The following FOCAD variants were observed in gnomAD, a reference collection of about 807,000 sequenced individuals.
The protein encoded by FOCAD is KIAA1797.
Under a neutral mutation model 225.6 loss-of-function variants are expected in FOCAD, and 198 were observed. The observed-to-expected ratio is 0.88, with a 90% CI of 0.78 to 0.99. FOCAD has a LOEUF of 0.99. FOCAD is among the 50% of genes least tolerant of loss of function. FOCAD has a pLI of 0.00. For missense variants in FOCAD, 2,713 were observed against 2,123.6 expected (o/e 1.28, Z -5.46); for synonymous variants, 897 against 755.0 (o/e 1.19, Z -3.08).
chr9:20,987,444 G>A (rs904052072), intron 40 of FOCAD, among the ~76,000 whole-genome samples: 1 of 151,690 alleles, frequency 6.6e-6, no homozygotes, highest in African/African-American at 2.4e-5. Context: ...GGAGGCAAAG[G>A]TTGCAGTGAG....
At chr9:20,955,279 GTTTGGGCATGGTGGTCTCAAA>G (rs1838033073) in intron 35 of FOCAD, among the ~76,000 whole-genome samples, 1 of 152,146 alleles carries the variant, frequency 6.6e-6, no homozygotes, top group South Asian at 2.1e-4. Context: ...GCTAGGATGA[GTTTGGGCATGGTGGTCTCAAA>G]TTTAGCCAAT....
At chr9:20,707,883 C>T (rs1427382339) in intron 1 of FOCAD, among the ~76,000 whole-genome samples, 1 of 152,086 alleles carries the variant, frequency 6.6e-6, no homozygotes, top group South Asian at 2.1e-4. Flanking sequence ...TAAGTGTGAG[C>T]AGGTGTCAGG....
chr9:20,751,876 T>A (rs944120443), intron 5 of FOCAD, among the ~76,000 whole-genome samples: 1 of 144,570 alleles, frequency 6.9e-6, no homozygotes, highest in African/African-American at 2.5e-5. Flanking sequence ...GGTATCTCAT[T>A]GTGGTTTTGA....
At chr9:20,709,338 G>T (rs1389880572) in intron 1 of FOCAD, among the ~76,000 whole-genome samples, 1 of 152,082 alleles carries the variant, frequency 6.6e-6, no homozygotes, top group Non-Finnish European at 1.5e-5. Flanking sequence ...GTAGCATGTG[G>T]TTTATGGATT....
At chr9:20,816,243 T>G (rs1005375289) in intron 11 of FOCAD, among the ~76,000 whole-genome samples, 1 of 152,310 alleles carries the variant, frequency 6.6e-6, no homozygotes, top group Non-Finnish European at 1.5e-5. Flanking sequence ...GTTTATAAAA[T>G]GTCAGTAAAT....
chr9:20,988,256 T>C (rs1030838609), intron 40 of FOCAD, 76 bp from the exon 41 acceptor site: 5 of 863,098 alleles, frequency 5.8e-6, no homozygotes, highest in Non-Finnish European at 9.3e-6. Flanking sequence ...GCTTTAGTTA[T>C]GATGGTTGTT....
chr9:20,866,106 G>A (rs1326956324), intron 17 of FOCAD, 130 bp downstream of exon 17: 1 of 744,852 alleles, frequency 1.3e-6, no homozygotes, highest in African/African-American at 1.8e-5. Context: ...TTTAAAAAAA[G>A]TGTGATTATT....
intron 3 of FOCAD, among the ~76,000 whole-genome samples, chr9:20,719,248 G>T (rs1825584927): frequency 6.6e-6 from 1 of 151,832 alleles, no homozygotes; most frequent in African/African-American, 2.4e-5. Flanking sequence ...CACCCAGCCA[G>T]TTTTTTGTAT....
chr9:20,867,661 G>A (rs746980130), intron 18 of FOCAD, among the ~76,000 whole-genome samples: 3 of 151,894 alleles, frequency 2.0e-5, no homozygotes, highest in Non-Finnish European at 4.4e-5. Flanking sequence ...CCTATTAAGG[G>A]GTTAAATATC....
At chr9:20,823,650 G>A in intron 15 of FOCAD, among the ~76,000 whole-genome samples, 1 of 152,060 alleles carries the variant, frequency 6.6e-6, no homozygotes, top group Middle Eastern at 3.2e-3. Context: ...CTGTTTTAGA[G>A]AAATGTTTTA....
chr9:20,914,264 C>T (rs1418967793), intron 23 of FOCAD, among the ~76,000 whole-genome samples: 2 of 152,130 alleles, frequency 1.3e-5, no homozygotes, highest in Non-Finnish European at 2.9e-5. Flanking sequence ...TGTCATGTGC[C>T]AGGCACTGTT....
chr9:20,718,734 T>C (rs78543275), intron 3 of FOCAD, among the ~76,000 whole-genome samples: 1,904 of 152,310 alleles, frequency 0.013, 39 homozygotes, highest in African/African-American at 0.043. Flanking sequence ...TTTGAGAAGA[T>C]CTAGTGATTT....
At chr9:20,983,468 A>G (rs1217058536) in intron 39 of FOCAD, among the ~76,000 whole-genome samples, 1 of 150,798 alleles carries the variant, frequency 6.6e-6, no homozygotes, top group Admixed American at 6.6e-5. Flanking sequence ...GCTACTCGGG[A>G]GGCTGAGGCA....
intron 28 of FOCAD, among the ~76,000 whole-genome samples, chr9:20,934,753 C>T (rs1458928557): frequency 6.6e-6 from 1 of 152,038 alleles, no homozygotes; most frequent in Non-Finnish European, 1.5e-5. Flanking sequence ...GAATTGATAA[C>T]AGAATTCAGC....
chr9:20,776,567 C>T (rs1453152465), intron 8 of FOCAD, among the ~76,000 whole-genome samples: 1 of 152,140 alleles, frequency 6.6e-6, no homozygotes, highest in Admixed American at 6.5e-5. Flanking sequence ...CTTGAATCTC[C>T]ACCTCTTTTC....
At chr9:20,802,919 G>T (rs1822003131) in intron 11 of FOCAD, among the ~76,000 whole-genome samples, 1 of 152,002 alleles carries the variant, frequency 6.6e-6, no homozygotes, top group Non-Finnish European at 1.5e-5. Context: ...GTAACACTTG[G>T]CTAATTAGTT....
At chr9:20,789,201 G>A in intron 10 of FOCAD, 150 bp from the exon 11 acceptor site, 2 of 809,090 alleles carry the variant, frequency 2.5e-6, no homozygotes, top group African/African-American at 3.4e-5. Context: ...CCTCAAATAT[G>A]TGCAGAGAGG....
rs1333381356 is a variant in FOCAD, at chr9:20,990,314, C to G, written c.5196C>G (p.Leu1732=). ...TCACTCTGCAGGAGGTTCTCACTCTCCTTCCCAATAGCATGGCTCTGCTGC... is the reference window on the plus strand; with the variant it reads ...TCACTCTGCAGGAGGTTCTCACTCTGCTTCCCAATAGCATGGCTCTGCTGC... ...HRVTLQEVLT[L]LPNSMALLLQ... The change falls in exon 42 of 44, where the codon CTC becomes CTG. Residue 1732 remains leucine, a synonymous_variant. Transcript: ENST00000338382. 2 of 1,614,106 alleles carry G rather than the reference C, an allele frequency of 1.2e-6. No homozygotes were observed. Among genetic ancestry groups the G allele is most frequent in the East Asian group, 4.5e-5 (2 of 44,842 alleles).
At chr9:20,932,928 AT>A in intron 27 of FOCAD, 85 bp from the exon 28 acceptor site, 1 of 943,504 alleles carries the variant, frequency 1.1e-6, no homozygotes, top group South Asian at 1.5e-5. Context: ...TTCCAGTAAA[AT>A]ATTGAGAGTA....
Sources: allele counts gnomAD v4.1 joint callset (sites outside exome capture counted in the v4.1 genomes callset), GRCh38; gene constraint gnomAD v4.1.1; transcripts MANE v1.5; gene names NCBI Gene and HGNC (gene_info 2026-07-23, HGNC 2026-07-21).